Variants in PUM3 observed in about 807,000 individuals in gnomAD.
The protein encoded by PUM3 is pumilio homolog 3.
A neutral mutation model predicts 84.0 loss-of-function variants in PUM3; 91 were observed. The ratio of observed to expected loss-of-function variants is 1.08; its 90% CI spans 0.91 to 1.29. The LOEUF (loss-of-function observed/expected upper bound fraction) is 1.29, where lower values mean the gene tolerates loss of function less well. PUM3 is among the 50% of genes most tolerant of loss of function. The probability of loss-of-function intolerance (pLI) is 0.00; values close to 1 mark genes in which losing one functional copy is unlikely to be tolerated. For missense variants in PUM3, 1,067 were observed against 767.5 expected (o/e 1.39, Z -4.61); for synonymous variants, 321 against 266.7 (o/e 1.20, Z -1.98).
chr9:2,815,155 T>C (rs1009073740), intron 13 of PUM3, among the ~76,000 whole-genome samples: 1 of 152,204 alleles, frequency 6.6e-6, no homozygotes, highest in African/African-American at 2.4e-5. Flanking sequence ...TTAAGGCTTT[T>C]AAAAGAATGC....
intron 4 of PUM3, 74 bp downstream of exon 4, chr9:2,833,957 T>G: frequency 6.8e-7 from 1 of 1,460,864 alleles, no homozygotes; most frequent in Non-Finnish European, 9.4e-7. Context: ...TTAGGACATC[T>G]CACTATTTAC....
At position 2,810,324 on chromosome 9, in the gene PUM3, G is replaced by C; in HGVS notation, c.1723+20C>G. 6.7e-7 allele frequency: 1 copy of C among 1,502,710 alleles called. No homozygotes were observed. 93.1% of individuals were successfully genotyped at this position (1,502,710 alleles called of 1,614,324 possible). ...GAATTCCACATGAGATACAAGAAAA[G>C]GTCAAATTTCATAGCCTACCTTCTC... is the stretch of plus-strand genomic sequence containing the variant. On this transcript the variant is annotated intron_variant, in intron 16 of 17. Transcript: ENST00000397885.
chr9:2,839,088 G>A (rs1392141370), intron 1 of PUM3, among the ~76,000 whole-genome samples: 1 of 152,194 alleles, frequency 6.6e-6, no homozygotes, highest in Non-Finnish European at 1.5e-5. Context: ...AATTGGCAGT[G>A]AACTCCAAAA....
intron 8 of PUM3, among the ~76,000 whole-genome samples, chr9:2,829,053 T>A (rs991154955): frequency 1.3e-5 from 2 of 152,196 alleles, no homozygotes; most frequent in African/African-American, 4.8e-5. Flanking sequence ...AATTATGAGA[T>A]CAAGTAGTCA....
rs370007578 is a variant in PUM3 at position 2,829,818 on chromosome 9, T to G, written c.808A>C (p.Met270Leu). The G allele has an allele frequency of 6.8e-6, 11 of 1,614,050 alleles. No individual in the cohort carries two copies. Among genetic ancestry groups the G allele is most frequent in the Middle Eastern group, 1.6e-4 (1 of 6,084 alleles). ...NDKAILEQRNMLTEELYGNTF... is the reference protein window; with the variant it reads ...NDKAILEQRNLLTEELYGNTF... ...TTCCCATAGAGCTCTTCCGTCAGCA[T>G]GTTCCTCTGCTCCAAAATGGCTTTG... is the stretch of plus-strand genomic sequence containing the variant. Residue 270 changes from methionine (M) to leucine (L), a missense_variant, in exon 8 of 18, where the codon ATG becomes CTG. Physicochemically the swap from Met to Leu is conservative, Grantham distance 15. Coordinates refer to ENST00000397885, the MANE Select transcript of PUM3 (RefSeq NM_014878.5).
At chr9:2,816,548 A>G (rs1421372031) in intron 13 of PUM3, among the ~76,000 whole-genome samples, 1 of 152,056 alleles carries the variant, frequency 6.6e-6, no homozygotes, top group African/African-American at 2.4e-5. Flanking sequence ...AACAAATGTG[A>G]AGATCTATCG....
At chr9:2,839,810 A>C (rs1816222088) in intron 1 of PUM3, among the ~76,000 whole-genome samples, 1 of 152,220 alleles carries the variant, frequency 6.6e-6, no homozygotes, top group Non-Finnish European at 1.5e-5. Context: ...CCATTCATTT[A>C]CATGTTTTCT....
chr9:2,827,016 A>C, intron 10 of PUM3, 57 bp downstream of exon 10: 1 of 1,418,430 alleles, frequency 7.1e-7, no homozygotes, highest in Non-Finnish European at 9.8e-7. Context: ...AGTTTTTCAA[A>C]TTTCTACACC....
chr9:2,833,092 A>G (rs1028355124), intron 5 of PUM3, among the ~76,000 whole-genome samples: 1 of 152,200 alleles, frequency 6.6e-6, no homozygotes, highest in Non-Finnish European at 1.5e-5. Context: ...TAAACTTCTC[A>G]AGATAACTTT....
intron 4 of PUM3, 75 bp downstream of exon 4, chr9:2,833,956 C>G (rs1586727575): frequency 1.3e-5 from 19 of 1,455,580 alleles, no homozygotes; most frequent in Admixed American, 2.0e-5. Context: ...TTTAGGACAT[C>G]TCACTATTTA....
Position 2,829,893 on chromosome 9 carries a change from T to C in PUM3, c.733A>G (p.Met245Val). 2 of 1,614,066 alleles carry C rather than the reference T, an allele frequency of 1.2e-6. No individual in the cohort carries two copies. The highest frequency in any genetic ancestry group is 4.5e-5 in the East Asian group (2 of 44,870). The change falls in exon 8 of 18, where the codon ATG becomes GTG. Residue 245 changes from methionine to valine, a missense_variant. Met to Val is a conservative substitution (Grantham distance 21). Coordinates refer to ENST00000397885, the MANE Select transcript of PUM3 (RefSeq NM_014878.5). ...IRSFKGHVRK[M>V]LRHAEASAIV... ...GCTGATGCTTCCGCATGCCGCAGCA[T>C]CTTCCTCACGTGGCCTTTAAAACTT...
intron 1 of PUM3, among the ~76,000 whole-genome samples, chr9:2,839,857 T>A: frequency 6.6e-6 from 1 of 152,234 alleles, no homozygotes; most frequent in East Asian, 1.9e-4. Context: ...TGAAATAATT[T>A]TAGCTTTACA....
At chr9:2,807,935 C>A (rs375282545) in intron 16 of PUM3, 31 bp from the exon 17 acceptor site, 57 of 1,386,488 alleles carry the variant, frequency 4.1e-5, no homozygotes, top group Admixed American at 1.7e-4. Flanking sequence ...TAGTGAACAT[C>A]ACATAATAAG....
At chr9:2,838,355 T>A in intron 2 of PUM3, 71 bp downstream of exon 2, 1 of 1,006,812 alleles carries the variant, frequency 9.9e-7, no homozygotes, top group Non-Finnish European at 1.6e-6. Flanking sequence ...GAATACAGAT[T>A]GAAATTTACT....
chr9:2,841,822 C>T (rs1816274000), intron 1 of PUM3, among the ~76,000 whole-genome samples: 1 of 152,094 alleles, frequency 6.6e-6, no homozygotes, highest in South Asian at 2.1e-4. Flanking sequence ...GCCTGCATTC[C>T]ATCCCCAGAA....
chr9:2,831,134 G>T, intron 6 of PUM3, 106 bp from the exon 7 acceptor site: 2 of 983,392 alleles, frequency 2.0e-6, no homozygotes. Flanking sequence ...AACAAAAAAG[G>T]ATCTGGAGAA....
chr9:2,806,698 C>T (rs1216540201), intron 17 of PUM3, among the ~76,000 whole-genome samples: 1 of 152,158 alleles, frequency 6.6e-6, no homozygotes, highest in Admixed American at 6.5e-5. Flanking sequence ...ATAAACTCAA[C>T]TAAGTTCAGA....
At chr9:2,825,150 T>C (rs1815777534) in intron 10 of PUM3, among the ~76,000 whole-genome samples, 1 of 152,020 alleles carries the variant, frequency 6.6e-6, no homozygotes, top group African/African-American at 2.4e-5. Flanking sequence ...TAGGAGGTGG[T>C]GGTGATAAGA....
chr9:2,832,500 T>C (rs973367791), intron 5 of PUM3, among the ~76,000 whole-genome samples: 1 of 152,172 alleles, frequency 6.6e-6, no homozygotes, highest in African/African-American at 2.4e-5. Context: ...AAAGAAGTTA[T>C]TGTTATTGTT....
Sources: gnomAD v4.1 joint callset for allele counts (sites outside exome capture counted in the v4.1 genomes callset) on GRCh38, gnomAD v4.1.1 for gene constraint, MANE v1.5 for transcripts, NCBI Gene and HGNC (gene_info 2026-07-23, HGNC 2026-07-21) for gene names.